The following FOXP1 variants were observed in gnomAD, a reference collection of about 807,000 sequenced individuals.
FOXP1 encodes the protein forkhead box P1.
FOXP1 carries 15 observed loss-of-function variants against 98.2 expected under a neutral mutation model. The observed-to-expected ratio is 0.15, with a 90% CI of 0.10 to 0.24. The LOEUF is 0.24. Among genes scored for constraint, FOXP1 ranks in the 10% least tolerant of loss-of-function variants. The pLI is 1.00. For missense variants in FOXP1, 633 were observed against 848.5 expected (o/e 0.75, Z 3.15); for synonymous variants, 371 against 314.5 (o/e 1.18, Z -1.90).
chr3:71,286,671 A>G (rs2072178553), intron 5 of FOXP1, among the ~76,000 whole-genome samples: 1 of 152,184 alleles, frequency 6.6e-6, no homozygotes, highest in Non-Finnish European at 1.5e-5. Context: ...GGAAGTGGGA[A>G]AATATCGAGG....
At chr3:71,352,684 C>G (rs2077877237) in intron 4 of FOXP1, among the ~76,000 whole-genome samples, 1 of 152,068 alleles carries the variant, frequency 6.6e-6, no homozygotes, top group East Asian at 1.9e-4. Flanking sequence ...AGAATCATGT[C>G]TGGCATACAG....
At position 71,015,425 on chromosome 3, in the gene FOXP1, T is replaced by G; in HGVS notation, c.974+124A>C. On this transcript the variant is annotated intron_variant, in intron 12 of 20. Transcript: ENST00000649528. Reference sequence around the variant, plus strand: ...ATGACAGTGCACTAGACCTTGTGATTTAGAGTCCACTCTCAAAGGGGTGAG... The same window carrying G: ...ATGACAGTGCACTAGACCTTGTGATGTAGAGTCCACTCTCAAAGGGGTGAG... 3 of 670,582 alleles carry G rather than the reference T, an allele frequency of 4.5e-6. No homozygotes were observed. The South Asian group carries it at 4.7e-5, about 10-fold the overall frequency. The allele number at this position is 670,582 out of a possible 1,614,324, so 41.5% of individuals were successfully genotyped here.
At chr3:71,537,356 G>A (rs1334927876) in intron 2 of FOXP1, among the ~76,000 whole-genome samples, 2 of 152,198 alleles carry the variant, frequency 1.3e-5, no homozygotes, top group African/African-American at 2.4e-5. Flanking sequence ...TGGTGGATTT[G>A]TTTTTCCCCC....
chr3:71,429,787 C>T (rs1577455412), intron 3 of FOXP1, among the ~76,000 whole-genome samples: 1 of 152,284 alleles, frequency 6.6e-6, no homozygotes, highest in East Asian at 1.9e-4. Context: ...AGCTAAATCA[C>T]CCCACGGTGC....
chr3:71,524,982 C>T (rs146636468), intron 2 of FOXP1, among the ~76,000 whole-genome samples: 88 of 152,278 alleles, frequency 5.8e-4, no homozygotes, highest in African/African-American at 2.0e-3. Context: ...GCTCACATCC[C>T]ACGGATAACA....
In FOXP1 at chr3:71,515,941, T is replaced by C. The variant is rs115431909; in HGVS notation, c.-297-22386A>G. On this transcript the variant is annotated intron_variant, in intron 2 of 20. Transcript: ENST00000649528. ...TTTGTTTGCAGCCAGGAGAATGGGT[T>C]AGAAGAATGGCCAGTGTCGTTCATC... Among the ~76,000 whole-genome samples the C allele has an allele frequency of 9.0e-3, 1,370 of 152,330 alleles. 27 individuals are homozygous for C. The highest frequency in any genetic ancestry group is 0.031 in the African/African-American group (1,294 of 41,558).
chr3:71,216,296 G>A (rs2064920861), intron 5 of FOXP1, among the ~76,000 whole-genome samples: 1 of 152,210 alleles, frequency 6.6e-6, no homozygotes, highest in Non-Finnish European at 1.5e-5. Context: ...AAGAATTTAA[G>A]TATGATTGAA....
At chr3:71,475,213 G>A (rs1303591483) in intron 3 of FOXP1, among the ~76,000 whole-genome samples, 7 of 151,772 alleles carry the variant, frequency 4.6e-5, no homozygotes, top group South Asian at 2.1e-4. Flanking sequence ...ACCCCATGCC[G>A]TCCTATAATT....
At chr3:71,332,316 A>G (rs1052644449) in intron 4 of FOXP1, 1 of 156,188 alleles carries the variant, frequency 6.4e-6, no homozygotes, top group Admixed American at 6.5e-5. Context: ...CGCCTGAGCC[A>G]GCGAGACCAC....
rs139627567 is a variant in FOXP1 at position 71,501,584 on chromosome 3, G to C, written c.-297-8029C>G. 7.9e-3 allele frequency among the ~76,000 whole-genome samples: 1,198 copies of C among 152,230 alleles called. 10 individuals carry two copies. Among genetic ancestry groups the C allele is most frequent in the Non-Finnish European group, 0.012 (783 of 68,016 alleles). ...TGGGATTATAGGCGTGAGCCACCGTGCCCAGCCCAAAAGGTGAAAACACTT... is the reference window on the plus strand; with the variant it reads ...TGGGATTATAGGCGTGAGCCACCGTCCCCAGCCCAAAAGGTGAAAACACTT... On this transcript the variant is annotated intron_variant, in intron 2 of 20. Coordinates refer to ENST00000649528, the MANE Select transcript of FOXP1 (RefSeq NM_001349338.3).
chr3:71,583,395 T>G (rs2048346214), intron 1 of FOXP1, 176 bp downstream of exon 1: 1 of 897,710 alleles, frequency 1.1e-6, no homozygotes, highest in Non-Finnish European at 1.3e-6. Context: ...CTGGGGGAGA[T>G]GCACGTGGAG....
intron 4 of FOXP1, among the ~76,000 whole-genome samples, chr3:71,355,642 C>T (rs892554709): frequency 4.6e-5 from 7 of 152,044 alleles, no homozygotes; most frequent in East Asian, 1.9e-4. Context: ...CTTTTGAACA[C>T]GCCAGATCTT....
chr3:71,403,825 T>C (rs2082106244), intron 3 of FOXP1, among the ~76,000 whole-genome samples: 1 of 152,092 alleles, frequency 6.6e-6, no homozygotes. Flanking sequence ...CACTCCAGCC[T>C]GTGCAACAGA....
intron 6 of FOXP1, among the ~76,000 whole-genome samples, chr3:71,162,917 G>A (rs1185897576): frequency 2.0e-5 from 3 of 151,934 alleles, no homozygotes; most frequent in African/African-American, 7.3e-5. Flanking sequence ...TTCCAGTTAC[G>A]GCTGTCATCA....
intron 6 of FOXP1, among the ~76,000 whole-genome samples, chr3:71,152,568 G>A (rs2060622416): frequency 6.6e-6 from 1 of 152,120 alleles, no homozygotes; most frequent in Non-Finnish European, 1.5e-5. Context: ...CCAGCGTGTG[G>A]GGGACAGCTG....
intron 5 of FOXP1, among the ~76,000 whole-genome samples, chr3:71,264,538 A>G (rs2069455851): frequency 6.6e-6 from 1 of 152,202 alleles, no homozygotes; most frequent in African/African-American, 2.4e-5. Context: ...TAGACTTCAG[A>G]AAACATTGCC....
Position 71,368,339 on chromosome 3 carries a change from T to C in FOXP1, c.-167-9095A>G, listed in dbSNP as rs193123012. 3.3e-3 allele frequency among the ~76,000 whole-genome samples: 505 copies of C among 152,270 alleles called. 4 individuals carry two copies. Among genetic ancestry groups the C allele is most frequent in the African/African-American group, 0.012 (496 of 41,554 alleles). On this transcript the variant is annotated intron_variant, in intron 3 of 20. Transcript: ENST00000649528. The stretch of plus-strand genomic sequence containing the variant: ...TGGGGTTTCAGCATGTTGGCCAGGC[T>C]GGTCTCGAACTTCCTGACCTCAAGT...
rs548152216 is a variant in FOXP1 at position 71,472,935 on chromosome 3, A to AT, written c.-168+20490dup. ...TCCTTATGATGACACAGTAAGAGGG[A>AT]TTTTTTTAAATTTCAACTTCTCAGA... On this transcript the variant is annotated intron_variant, in intron 3 of 20. Coordinates refer to ENST00000649528, the MANE Select transcript of FOXP1 (RefSeq NM_001349338.3). Among the ~76,000 whole-genome samples, 18 of 152,260 alleles carry AT rather than the reference A, an allele frequency of 1.2e-4. No homozygotes were observed. In the South Asian group the frequency reaches 1.7e-3, roughly 14 times the overall value.
intron 2 of FOXP1, among the ~76,000 whole-genome samples, chr3:71,567,661 G>C (rs2047008399): frequency 6.6e-6 from 1 of 152,106 alleles, no homozygotes; most frequent in South Asian, 2.1e-4. Context: ...TGTAAGCCTT[G>C]GGTCAACCAC....
Sources: gnomAD v4.1 joint callset for allele counts (sites outside exome capture counted in the v4.1 genomes callset) on GRCh38, gnomAD v4.1.1 for gene constraint, MANE v1.5 for transcripts, NCBI Gene and HGNC (gene_info 2026-07-23, HGNC 2026-07-21) for gene names.